EOGT: variants seen among roughly 807,000 people sequenced by gnomAD.
EOGT encodes EGF domain-specific O-linked N-acetylglucosamine transferase.
In EOGT, 55 loss-of-function variants were observed where a neutral mutation model predicts 70.5. The observed-to-expected ratio is 0.78, with a 90% CI of 0.63 to 0.98. The LOEUF is 0.98. Among genes scored for constraint, EOGT ranks in the 50% least tolerant of loss-of-function variants. EOGT has a pLI of 0.00. For synonymous variants in EOGT, 246 were observed against 217.1 expected (o/e 1.13, Z -1.17); for missense variants, 703 against 641.9 (o/e 1.10, Z -1.03).
Position 68,977,588 on chromosome 3 carries a change from ACT to A in EOGT, c.*28_*29del, listed in dbSNP as rs1171121648. 3 of 1,611,476 alleles carry A rather than the reference ACT, an allele frequency of 1.9e-6. No homozygotes were observed. The highest frequency in any genetic ancestry group is 2.5e-6 in the Non-Finnish European group (3 of 1,178,568). ...AGTCTGGGTGTTGGAGTGTTTAAAC[ACT>A]CTCTTTTTGCAAACAGACTCAGCAT... On this transcript the variant is annotated 3_prime_UTR_variant, in exon 18 of 18. Coordinates refer to ENST00000383701, the MANE Select transcript of EOGT (RefSeq NM_001278689.2).
rs144574577 is a variant in EOGT at position 69,005,957 on chromosome 3, G to A, written c.421-723C>T. Among the ~76,000 whole-genome samples the A allele has an allele frequency of 3.3e-5, 5 of 152,294 alleles. No individual in the cohort carries two copies. The East Asian group carries it at 7.7e-4, about 24-fold the overall frequency. On this transcript the variant is annotated intron_variant, in intron 6 of 17. Transcript: ENST00000383701. ...CATGGTGTTTTGGAGTCTGTAGTTGGTAAAATATTGCAATGGACTGAATGT... is the reference window on the plus strand; with the variant it reads ...CATGGTGTTTTGGAGTCTGTAGTTGATAAAATATTGCAATGGACTGAATGT...
At chr3:69,005,320 G>A (rs971231788) in intron 6 of EOGT, 86 bp from the exon 7 acceptor site, 92 of 687,742 alleles carry the variant, frequency 1.3e-4, no homozygotes, top group East Asian at 6.9e-4. Flanking sequence ...CTGACAGCAC[G>A]GATACCCTCA....
chr3:69,011,508 T>C (rs972347715), intron 3 of EOGT, among the ~76,000 whole-genome samples: 2 of 148,568 alleles, frequency 1.3e-5, no homozygotes, highest in African/African-American at 5.0e-5. Context: ...AGTGGGAGGA[T>C]CACTTTAGCC....
chr3:68,978,464 G>A (rs963653112), intron 16 of EOGT, 29 bp from the exon 17 acceptor site: 5 of 1,485,090 alleles, frequency 3.4e-6, no homozygotes, highest in Non-Finnish European at 4.6e-6. Flanking sequence ...CACAACATGA[G>A]GCTTTTGTCC....
In EOGT at chr3:68,998,043, T is replaced by G; in HGVS notation, c.799A>C (p.Ser267Arg). Residue 267 changes from serine (S) to arginine (R), a missense_variant, in exon 10 of 18, where the codon AGT (serine) becomes CGT (arginine). Ser to Arg is a moderately radical substitution (Grantham distance 110). Coordinates refer to ENST00000383701, the MANE Select transcript of EOGT (RefSeq NM_001278689.2). ...YITQHVNNSF[S>R]TDVYIVMWDT... ...CACATCACGATGTACACGTCAGTAC[T>G]GAATGAGTTATTAACGTGCTGAGTA... The G allele has an allele frequency of 6.3e-7, 1 of 1,597,930 alleles. No individual in the cohort carries two copies.
intron 15 of EOGT, among the ~76,000 whole-genome samples, chr3:68,981,287 A>T (rs1049784634): frequency 2.0e-5 from 3 of 152,196 alleles, no homozygotes; most frequent in African/African-American, 7.2e-5. Flanking sequence ...TGGGATTCCT[A>T]CTGCTGAGAC....
At chr3:69,011,551 C>T (rs1476226815) in intron 3 of EOGT, among the ~76,000 whole-genome samples, 20 of 148,050 alleles carry the variant, frequency 1.4e-4, no homozygotes, top group Non-Finnish European at 2.8e-4. Context: ...GTCGTGATCT[C>T]GCCACTGCAC....
At chr3:69,009,936 A>T in intron 3 of EOGT, 76 bp from the exon 4 acceptor site, 1 of 550,722 alleles carries the variant, frequency 1.8e-6, no homozygotes, top group Non-Finnish European at 3.0e-6. Context: ...ACAACAACAA[A>T]AAAAAAAAAA....
chr3:69,003,580 C>G (rs924871854), intron 8 of EOGT, among the ~76,000 whole-genome samples: 1 of 152,192 alleles, frequency 6.6e-6, no homozygotes, highest in Non-Finnish European at 1.5e-5. Context: ...CATTAAACCT[C>G]TTTCCTTTGT....
chr3:68,981,044 A>G (rs570643081), intron 15 of EOGT, among the ~76,000 whole-genome samples: 1 of 152,124 alleles, frequency 6.6e-6, no homozygotes, highest in African/African-American at 2.4e-5. Context: ...ATATTGGCTC[A>G]CTCATTTCTT....
intron 7 of EOGT, among the ~76,000 whole-genome samples, chr3:69,004,723 C>G (rs748531357): frequency 6.6e-6 from 1 of 152,062 alleles, no homozygotes; most frequent in Non-Finnish European, 1.5e-5. Context: ...TCCATCCCCC[C>G]ACCCATTCCC....
chr3:69,009,581 T>TA, intron 4 of EOGT, 56 bp downstream of exon 4: 1 of 1,410,632 alleles, frequency 7.1e-7, no homozygotes, highest in South Asian at 1.2e-5. Context: ...GCAGAACCTG[T>TA]AAGCCAGCTG....
chr3:68,988,562 C>G lies in EOGT; in HGVS notation c.940G>C (p.Ala314Pro). The G allele has an allele frequency of 1.3e-6, 2 of 1,531,884 alleles. No homozygotes were observed. The highest frequency in any genetic ancestry group is 8.7e-7 in the Non-Finnish European group (1 of 1,144,644). The allele number at this position is 1,531,884 out of a possible 1,614,324, so 94.9% of individuals were successfully genotyped here. A position where few individuals can be genotyped will look rare whatever the true frequency, so the allele number is the denominator to read the frequency against. ...ATGCGGGGGAGTAATGAAAAAACAGCTTCTTTAAAACATACCTAAGAACAA... is the reference window on the plus strand; with the variant it reads ...ATGCGGGGGAGTAATGAAAAAACAGGTTCTTTAAAACATACCTAAGAACAA... ...YDSKRVCFKE[A>P]VFSLLPRMRY... Residue 314 changes from alanine (A) to proline (P), a missense_variant, in exon 12 of 18, where the codon GCT becomes CCT. Coordinates refer to ENST00000383701, the MANE Select transcript of EOGT (RefSeq NM_001278689.2).
intron 14 of EOGT, among the ~76,000 whole-genome samples, chr3:68,984,503 T>C (rs2107182945): frequency 6.6e-6 from 1 of 152,246 alleles, no homozygotes; most frequent in South Asian, 2.1e-4. Flanking sequence ...ACCCTAAAGT[T>C]GGGCAGAATT....
intron 17 of EOGT, among the ~76,000 whole-genome samples, 193 bp from the exon 18 acceptor site, chr3:68,977,957 C>T (rs969601795): frequency 6.6e-6 from 1 of 152,244 alleles, no homozygotes; most frequent in Non-Finnish European, 1.5e-5. Context: ...GTCACAGTTA[C>T]TCCACTGTCG....
rs993677892 is a variant in EOGT at position 68,975,387 on chromosome 3, T to C, written c.*2231A>G. 2.0e-5 allele frequency: 3 copies of C among 152,658 alleles called. No individual in the cohort carries two copies. Among genetic ancestry groups the C allele is most frequent in the African/African-American group, 4.8e-5 (2 of 41,460 alleles). The allele number at this position is 152,658 out of a possible 1,614,324, so 9.5% of individuals were successfully genotyped here. The stretch of plus-strand genomic sequence containing the variant: ...TCATAAAATTCCATAAAGTGTCAAA[T>C]GTATTTTCCTGTTTATATAAAATGT... On this transcript the variant is annotated 3_prime_UTR_variant, in exon 18 of 18. Coordinates refer to ENST00000383701, the MANE Select transcript of EOGT (RefSeq NM_001278689.2).
intron 8 of EOGT, among the ~76,000 whole-genome samples, chr3:69,003,077 A>G (rs2091342818): frequency 6.6e-6 from 1 of 152,056 alleles, no homozygotes; most frequent in African/African-American, 2.4e-5. Flanking sequence ...CTGCATCCTG[A>G]TTGTGGTGGT....
chr3:68,995,252 C>G (rs2091112480), intron 10 of EOGT, among the ~76,000 whole-genome samples: 1 of 152,164 alleles, frequency 6.6e-6, no homozygotes, highest in Admixed American at 6.5e-5. Flanking sequence ...AGGGAAACAG[C>G]AGCCACACAA....
chr3:68,988,557 A>T lies in EOGT; in HGVS notation c.945T>A (p.Val315=), dbSNP rs955777265. 6 of 1,532,642 alleles carry T rather than the reference A, an allele frequency of 3.9e-6. No individual in the cohort carries two copies. The African/African-American group carries it at 8.2e-5, about 21-fold the overall frequency. 94.9% of individuals were successfully genotyped at this position (1,532,642 alleles called of 1,614,324 possible). Residue 315 remains valine (V), a synonymous_variant, in exon 12 of 18, where the codon GTT becomes GTA. Transcript: ENST00000383701. ...DSKRVCFKEA[V]FSLLPRMRYG... is the part of the protein sequence containing the mutation. ...ACCTCATGCGGGGGAGTAATGAAAA[A>T]ACAGCTTCTTTAAAACATACCTAAG... is the stretch of plus-strand genomic sequence containing the variant.
Sources: gnomAD v4.1 joint callset for allele counts (sites outside exome capture counted in the v4.1 genomes callset) on GRCh38, gnomAD v4.1.1 for gene constraint, MANE v1.5 for transcripts, NCBI Gene and HGNC (gene_info 2026-07-23, HGNC 2026-07-21) for gene names.